MCPH1: variants seen among roughly 807,000 people sequenced by gnomAD.
The protein encoded by MCPH1 is microcephalin 1, also known as microcephalin.
A neutral mutation model predicts 84.5 loss-of-function variants in MCPH1; 104 were observed. The ratio of observed to expected loss-of-function variants is 1.23; its 90% CI spans 1.05 to 1.45. The LOEUF is 1.45. Ranked by LOEUF, MCPH1 falls within the 40% of genes most tolerant of loss-of-function variation. The probability of loss-of-function intolerance (pLI) is 0.00; values close to 1 mark genes in which losing one functional copy is unlikely to be tolerated. For synonymous variants in MCPH1, 514 were observed against 366.8 expected (o/e 1.40, Z -4.58); for missense variants, 1,498 against 1,005.7 (o/e 1.49, Z -6.62).
At chr8:6,545,394 A>G (rs1389541213) in intron 12 of MCPH1, among the ~76,000 whole-genome samples, 1 of 152,212 alleles carries the variant, frequency 6.6e-6, no homozygotes, top group East Asian at 1.9e-4. Flanking sequence ...TAGAAATGAA[A>G]TGTTTGACAA....
In MCPH1 at chr8:6,442,091, A is replaced by T. The variant is rs369302385; in HGVS notation, c.605A>T (p.His202Leu). The T allele has an allele frequency of 2.5e-5, 40 of 1,613,306 alleles. 1 individual carries two copies. In the African/African-American group the frequency reaches 4.5e-4, roughly 18 times the overall value. Reference sequence around the variant, plus strand: ...GCTTCCCAAATGATTCAGCAGTCTCATGATAATCCAAGTAACTCTCTGTGT... The same window carrying T: ...GCTTCCCAAATGATTCAGCAGTCTCTTGATAATCCAAGTAACTCTCTGTGT... ...PTSSQMIQQS[H>L]DNPSNSLCEA... Residue 202 changes from histidine to leucine, a missense_variant, in exon 7 of 14, where the codon CAT (histidine) becomes CTT (leucine). Coordinates refer to ENST00000344683, the MANE Select transcript of MCPH1 (RefSeq NM_024596.5).
At chr8:6,596,515 G>C (rs137864623) in intron 12 of MCPH1, among the ~76,000 whole-genome samples, 1 of 152,266 alleles carries the variant, frequency 6.6e-6, no homozygotes, top group East Asian at 1.9e-4. Context: ...GGACCTGGCC[G>C]CCAGAGCCGT....
At chr8:6,506,109 G>A (rs969908661) in intron 12 of MCPH1, among the ~76,000 whole-genome samples, 2 of 150,670 alleles carry the variant, frequency 1.3e-5, no homozygotes, top group Non-Finnish European at 3.0e-5. Context: ...ATTGTTTCTT[G>A]GTGGTAACAG....
chr8:6,556,619 A>T (rs1050797226), intron 12 of MCPH1, among the ~76,000 whole-genome samples: 8 of 149,718 alleles, frequency 5.3e-5, no homozygotes, highest in East Asian at 2.0e-4. Flanking sequence ...GTCTTTTTTT[A>T]TTTTTTTTTC....
chr8:6,443,636 C>T (rs1046716242), intron 7 of MCPH1, among the ~76,000 whole-genome samples: 2 of 152,162 alleles, frequency 1.3e-5, no homozygotes, highest in South Asian at 2.1e-4. Flanking sequence ...GGCAGATGCC[C>T]ACGTAACCAT....
At chr8:6,510,191 A>G (rs141262069) in intron 12 of MCPH1, among the ~76,000 whole-genome samples, 3 of 151,180 alleles carry the variant, frequency 2.0e-5, no homozygotes, top group Admixed American at 6.6e-5. Context: ...AACTATGCTC[A>G]AGAGTTTCTG....
At chr8:6,504,655 C>G (rs762227119) in intron 12 of MCPH1, among the ~76,000 whole-genome samples, 1 of 152,028 alleles carries the variant, frequency 6.6e-6, no homozygotes, top group African/African-American at 2.4e-5. Flanking sequence ...AAGTTCCTGA[C>G]TTAATAAGGA....
intron 12 of MCPH1, chr8:6,563,025 T>C: frequency 1.5e-6 from 2 of 1,367,472 alleles, no homozygotes; most frequent in Non-Finnish European, 2.0e-6. Context: ...AACGCAGGGC[T>C]GCTACGCTGC....
At chr8:6,634,669 G>A (rs747723157) in intron 13 of MCPH1, among the ~76,000 whole-genome samples, 51 of 152,166 alleles carry the variant, frequency 3.4e-4, no homozygotes, top group Non-Finnish European at 5.9e-4. Context: ...CAAACACTTC[G>A]TACAGGCCTC....
At chr8:6,457,254 C>T (rs1327839933) in intron 9 of MCPH1, among the ~76,000 whole-genome samples, 1 of 152,108 alleles carries the variant, frequency 6.6e-6, no homozygotes, top group Non-Finnish European at 1.5e-5. Context: ...ACGAATCCAC[C>T]ACTTCTGGTT....
At chr8:6,511,348 A>C (rs1379358388) in intron 12 of MCPH1, among the ~76,000 whole-genome samples, 1 of 152,124 alleles carries the variant, frequency 6.6e-6, no homozygotes, top group African/African-American at 2.4e-5. Context: ...CAGTGGAGTA[A>C]AGAGGTAACA....
At chr8:6,474,352 A>C in intron 9 of MCPH1, 1 of 405,880 alleles carries the variant, frequency 2.5e-6, no homozygotes. Flanking sequence ...TTCTATCACC[A>C]AGTCAGAACA....
At position 6,415,109 on chromosome 8, in the gene MCPH1, T is replaced by G. The variant is rs376958478; in HGVS notation, c.233+226T>G. On this transcript the variant is annotated intron_variant, in intron 3 of 13. Transcript: ENST00000344683. Reference sequence around the variant, plus strand: ...AGGGGGAAAAGGAGCCTGCAGGTCCTGAAGCTGGGTATGCAAGGTGGACTT... The same window carrying G: ...AGGGGGAAAAGGAGCCTGCAGGTCCGGAAGCTGGGTATGCAAGGTGGACTT... Among the ~76,000 whole-genome samples, 20 of 152,090 alleles carry G rather than the reference T, an allele frequency of 1.3e-4. No individual in the cohort carries two copies. In the South Asian group the frequency reaches 2.3e-3, roughly 17 times the overall value.
At chr8:6,461,016 A>T (rs1389142502) in intron 9 of MCPH1, among the ~76,000 whole-genome samples, 1 of 152,184 alleles carries the variant, frequency 6.6e-6, no homozygotes, top group Non-Finnish European at 1.5e-5. Context: ...TTTTGGTGTG[A>T]ATGCTTCTCT....
At position 6,509,918 on chromosome 8, in the gene MCPH1, G is replaced by T. The variant is rs78679261; in HGVS notation, c.2214+9989G>T. 7.4e-3 allele frequency among the ~76,000 whole-genome samples: 1,131 copies of T among 152,278 alleles called. 5 individuals carry two copies. Among genetic ancestry groups the T allele is most frequent in the Non-Finnish European group, 0.01 (714 of 68,020 alleles). Reference sequence around the variant, plus strand: ...CTGGGACCTGTGGCTCGCTGCCGCTGCCTGGCATCATGAGGGAGCATCGTG... The same window carrying T: ...CTGGGACCTGTGGCTCGCTGCCGCTTCCTGGCATCATGAGGGAGCATCGTG... On this transcript the variant is annotated intron_variant, in intron 12 of 13. Coordinates refer to ENST00000344683, the MANE Select transcript of MCPH1 (RefSeq NM_024596.5).
chr8:6,621,699 T>C lies in MCPH1; in HGVS notation c.2452+8T>C, dbSNP rs1428644687. 1 of 1,614,076 alleles carries C rather than the reference T, an allele frequency of 6.2e-7. No homozygotes were observed. The highest frequency in any genetic ancestry group is 1.1e-5 in the South Asian group (1 of 91,004). ...CTGAGAAATGGGTCTTAGGTAAGAATCCAGGCACACAGACGCTGTGGTGTG... is the reference window on the plus strand; with the variant it reads ...CTGAGAAATGGGTCTTAGGTAAGAACCCAGGCACACAGACGCTGTGGTGTG... On this transcript the variant is annotated splice_region_variant and intron_variant, in intron 13 of 13. Transcript: ENST00000344683.
chr8:6,570,800 G>GTTTTTT, intron 12 of MCPH1, among the ~76,000 whole-genome samples: 1 of 96,386 alleles, frequency 1.0e-5, no homozygotes, highest in African/African-American at 4.0e-5. Context: ...CAGATGGATT[G>GTTTTTT]TTGTTTTTTT....
chr8:6,610,696 C>T (rs1386150840), intron 12 of MCPH1, among the ~76,000 whole-genome samples: 1 of 152,162 alleles, frequency 6.6e-6, no homozygotes, highest in African/African-American at 2.4e-5. Flanking sequence ...AAGAAGGATG[C>T]ATTTTCAAGT....
chr8:6,514,919 G>A (rs1220074007), intron 12 of MCPH1: 9 of 630,250 alleles, frequency 1.4e-5, no homozygotes, highest in African/African-American at 7.2e-5. Context: ...GTAGACCATC[G>A]GGGTTGTCTA....
Sources: gnomAD v4.1 joint callset for allele counts (sites outside exome capture counted in the v4.1 genomes callset) on GRCh38, gnomAD v4.1.1 for gene constraint, MANE v1.5 for transcripts, NCBI Gene and HGNC (gene_info 2026-07-23, HGNC 2026-07-21) for gene names.